Variants in C1QTNF9 observed in about 807,000 individuals in gnomAD.
C1QTNF9 encodes the protein complement C1q and tumor necrosis factor-related protein 9A.
C1QTNF9 carries 6 observed loss-of-function variants against 10.1 expected under a neutral mutation model. The observed-to-expected ratio is 0.59, with a 90% CI of 0.32 to 1.17. The LOEUF (loss-of-function observed/expected upper bound fraction) is 1.17, where lower values mean the gene tolerates loss of function less well. Ranked by LOEUF, C1QTNF9 falls within the 50% of genes most tolerant of loss-of-function variation. C1QTNF9 has a pLI of 0.04. For missense variants in C1QTNF9, 201 were observed against 418.8 expected (o/e 0.48, Z 4.54); for synonymous variants, 98 against 163.5 (o/e 0.60, Z 3.06).
upstream of C1QTNF9, among the ~76,000 whole-genome samples, chr13:24,308,130 C>T (rs545044172): frequency 1.2e-4 from 19 of 152,322 alleles, 1 homozygote; most frequent in South Asian, 3.3e-3. Flanking sequence ...AGCGCGTGGC[C>T]GGTGGAGGCC....
At chr13:24,318,586 G>A (rs529734583) in intron 2 of C1QTNF9, among the ~76,000 whole-genome samples, 21 of 152,176 alleles carry the variant, frequency 1.4e-4, no homozygotes, top group African/African-American at 4.6e-4. Context: ...AGAGATGGGC[G>A]CTTGGGAAGT....
intron 1 of C1QTNF9, among the ~76,000 whole-genome samples, chr13:24,312,695 A>T (rs565201904): frequency 6.6e-6 from 1 of 152,114 alleles, no homozygotes; most frequent in African/African-American, 2.4e-5. Context: ...AGTGACTCAC[A>T]CCTGTAATCC....
chr13:24,314,379 A>G (rs867976080), intron 1 of C1QTNF9, among the ~76,000 whole-genome samples: 93 of 111,396 alleles, frequency 8.3e-4, no homozygotes, highest in African/African-American at 2.3e-3. Context: ...CTCTCCAAAG[A>G]AAAAAAAAAA....
At chr13:24,321,519 C>T (rs765482014) in exon 4 of C1QTNF9, 1 of 1,613,132 alleles carries the variant, frequency 6.2e-7, no homozygotes, top group East Asian at 2.2e-5. Flanking sequence ...TCTATTACTT[C>T]ACCTACCACA....
At chr13:24,311,566 T>C (rs1877821304) in intron 1 of C1QTNF9, among the ~76,000 whole-genome samples, 1 of 152,186 alleles carries the variant, frequency 6.6e-6, no homozygotes, top group Admixed American at 6.5e-5. Context: ...GAGGGTTGTA[T>C]GCCCAGTGAG....
chr13:24,321,770 A>G (rs1878285951), exon 4 of C1QTNF9: 1 of 1,548,646 alleles, frequency 6.5e-7, no homozygotes, highest in Non-Finnish European at 8.7e-7. Flanking sequence ...AGCCCGTGAC[A>G]GAGGAGAGTT....
At chr13:24,320,164 C>T (rs1240821845) in intron 3 of C1QTNF9, among the ~76,000 whole-genome samples, 1 of 151,848 alleles carries the variant, frequency 6.6e-6, no homozygotes, top group Non-Finnish European at 1.5e-5. Flanking sequence ...GATGTCACGA[C>T]TAGGGTTGAG....
upstream of C1QTNF9, among the ~76,000 whole-genome samples, chr13:24,309,141 G>A (rs1260903672): frequency 6.6e-6 from 1 of 151,826 alleles, no homozygotes; most frequent in Non-Finnish European, 1.5e-5. Context: ...TTACCCCAAG[G>A]TCAGGGAGAA....
intron 2 of C1QTNF9, among the ~76,000 whole-genome samples, chr13:24,317,858 G>A (rs1878101201): frequency 6.6e-6 from 1 of 151,726 alleles, no homozygotes; most frequent in South Asian, 2.1e-4. Flanking sequence ...GGGGAGGGGA[G>A]GGGAGGGGAG....
chr13:24,316,224 C>G (rs1435224371), intron 2 of C1QTNF9, 55 bp downstream of exon 2: 19 of 1,507,176 alleles, frequency 1.3e-5, no homozygotes, highest in Non-Finnish European at 1.6e-5. Context: ...TTCCTTTCAT[C>G]TCATTCACTC....
chr13:24,309,126 C>G (rs1430239692), upstream of C1QTNF9, among the ~76,000 whole-genome samples: 4 of 151,576 alleles, frequency 2.6e-5, no homozygotes, highest in African/African-American at 9.7e-5. Flanking sequence ...TCCTGTTGCC[C>G]GTAATTACCC....
At chr13:24,313,469 G>T (rs184561500) in intron 1 of C1QTNF9, among the ~76,000 whole-genome samples, 20 of 152,292 alleles carry the variant, frequency 1.3e-4, no homozygotes, top group Admixed American at 7.8e-4. Flanking sequence ...ATGGAATTTC[G>T]ATTTGACTGC....
intron 3 of C1QTNF9, among the ~76,000 whole-genome samples, chr13:24,320,189 C>T (rs199811934): frequency 0.068 from 10,262 of 150,190 alleles, 518 homozygotes; most frequent in East Asian, 0.23. Flanking sequence ...AGTTAATCTA[C>T]CTGTCTCTGC....
rs1593536679 is a variant in C1QTNF9, at chr13:24,319,989, AC to A, written c.230-1005del. On this transcript the variant is annotated intron_variant, in intron 3 of 3. Coordinates refer to ENST00000332018, the Ensembl canonical transcript of C1QTNF9. ...TTTAACCTCAGAGTCCACACTTGCA[AC>A]CACGGCTCTTTGGTATGGGTGGGGG... Among the ~76,000 whole-genome samples the A allele has an allele frequency of 2.0e-5, 3 of 152,270 alleles. No individual in the cohort carries two copies. The East Asian group carries it at 5.8e-4, about 29-fold the overall frequency.
intron 3 of C1QTNF9, among the ~76,000 whole-genome samples, chr13:24,320,634 C>T (rs1418812837): frequency 6.6e-6 from 1 of 152,188 alleles, no homozygotes; most frequent in Non-Finnish European, 1.5e-5. Context: ...GTCTGCCCAC[C>T]TTGGCCTCCC....
chr13:24,314,672 C>T (rs1593532963), intron 1 of C1QTNF9, among the ~76,000 whole-genome samples: 2 of 151,874 alleles, frequency 1.3e-5, no homozygotes, highest in South Asian at 2.1e-4. Flanking sequence ...AACTGCATCT[C>T]GAAAACAAAA....
At chr13:24,312,261 C>T (rs1877854792) in intron 1 of C1QTNF9, among the ~76,000 whole-genome samples, 1 of 152,210 alleles carries the variant, frequency 6.6e-6, no homozygotes, top group Non-Finnish European at 1.5e-5. Context: ...AAAATGCAGT[C>T]ACCATCTTCA....
intron 2 of C1QTNF9, among the ~76,000 whole-genome samples, chr13:24,318,271 T>C (rs3864974): frequency 8.5e-5 from 13 of 152,176 alleles, no homozygotes; most frequent in African/African-American, 1.2e-4. Context: ...TCTGCCAGCT[T>C]GATTGGTGGC....
chr13:24,308,674 G>A (rs1441648689), upstream of C1QTNF9, among the ~76,000 whole-genome samples: 1 of 152,142 alleles, frequency 6.6e-6, no homozygotes, highest in African/African-American at 2.4e-5. Context: ...CTCCTGCTCT[G>A]TGCGTGGCCT....
Sources: gnomAD v4.1 joint callset for allele counts (sites outside exome capture counted in the v4.1 genomes callset) on GRCh38, gnomAD v4.1.1 for gene constraint, MANE v1.5 for transcripts, NCBI Gene and HGNC (gene_info 2026-07-23, HGNC 2026-07-21) for gene names.